The following RPH3AL variants were observed in gnomAD, a reference collection of about 807,000 sequenced individuals.
RPH3AL encodes the protein rabphilin 3A like (without C2 domains).
A neutral mutation model predicts 43.1 loss-of-function variants in RPH3AL; 38 were observed. That is an observed-to-expected ratio of 0.88 (90% CI 0.68 to 1.15). The LOEUF (loss-of-function observed/expected upper bound fraction) is 1.15, where lower values mean the gene tolerates loss of function less well. RPH3AL is among the 50% of genes most tolerant of loss of function. The probability of loss-of-function intolerance (pLI) is 0.00; values close to 1 mark genes in which losing one functional copy is unlikely to be tolerated. For missense variants in RPH3AL, 462 were observed against 423.2 expected, an observed-to-expected ratio of 1.09 and a Z score of -0.81; for synonymous variants, 189 against 176.3, an observed-to-expected ratio of 1.07 and a Z score of -0.57.
At chr17:285,969 G>A (rs556075060) in intron 5 of RPH3AL, among the ~76,000 whole-genome samples, 4 of 152,334 alleles carry the variant, frequency 2.6e-5, no homozygotes, top group East Asian at 3.9e-4. Flanking sequence ...GACAGGACAC[G>A]GATGAACAGG....
rs112877002 is a variant in RPH3AL, at chr17:280,917, C to T, written c.438+851G>A. 1.1e-3 allele frequency among the ~76,000 whole-genome samples: 167 copies of T among 152,244 alleles called. 3 individuals are homozygous for T. Among genetic ancestry groups the T allele is most frequent in the African/African-American group, 3.8e-3 (157 of 41,546 alleles). On this transcript the variant is annotated intron_variant, in intron 6 of 9. Coordinates refer to ENST00000331302, the MANE Select transcript of RPH3AL (RefSeq NM_006987.4). The stretch of plus-strand genomic sequence containing the variant: ...GAATTGAAGGTGTTTTGTGGATCCT[C>T]GGATGTGACAAGCAAGATTTAAAAA...
chr17:330,894 T>A (rs1235762110), intron 2 of RPH3AL: 2 of 149,478 alleles, frequency 1.3e-5, no homozygotes, highest in Non-Finnish European at 3.0e-5. Context: ...AAAAAAGATC[T>A]GTGAAATTTT....
At chr17:327,672 C>T (rs2044650774) in intron 2 of RPH3AL, 93 bp from the exon 3 acceptor site, 1 of 714,620 alleles carries the variant, frequency 1.4e-6, no homozygotes, top group Admixed American at 2.1e-5. Flanking sequence ...CCCTCCACAC[C>T]ATCTCCATGC....
chr17:314,934 T>C (rs371684776), intron 5 of RPH3AL, among the ~76,000 whole-genome samples: 58 of 29,608 alleles, frequency 2.0e-3, no homozygotes, highest in African/African-American at 3.1e-3. Flanking sequence ...CCCACCTCCA[T>C]TGACCTGTAG....
At position 245,174 on chromosome 17, in the gene RPH3AL, T is replaced by C. The variant is rs1567580209; in HGVS notation, c.613+1937A>G. On this transcript the variant is annotated intron_variant, in intron 7 of 9. Transcript: ENST00000331302. The surrounding 1 kb of genome is among the most constrained non-coding windows in gnomAD (Gnocchi z 5.9). ...GTGTGTGCACATGGATGTGTCTGTG[T>C]GTACGTGGATGTCTGTGTGTGTGGA... 6.6e-6 allele frequency among the ~76,000 whole-genome samples: 1 copy of C among 151,192 alleles called. No homozygotes were observed. The highest frequency in any genetic ancestry group is 1.5e-5 in the Non-Finnish European group (1 of 67,894).
chr17:301,269 C>T (rs1206601764), intron 5 of RPH3AL, among the ~76,000 whole-genome samples: 1 of 152,250 alleles, frequency 6.6e-6, no homozygotes, highest in Non-Finnish European at 1.5e-5. Context: ...ATCTTTAGAT[C>T]TCTTTACATC....
At chr17:320,297 C>A (rs955822106) in intron 4 of RPH3AL, among the ~76,000 whole-genome samples, 7 of 151,834 alleles carry the variant, frequency 4.6e-5, no homozygotes, top group Non-Finnish European at 1.0e-4. Context: ...AACACGTGGA[C>A]TCACAGCTGA....
chr17:299,535 G>A (rs1033730338), intron 5 of RPH3AL, among the ~76,000 whole-genome samples: 8 of 152,156 alleles, frequency 5.3e-5, no homozygotes, highest in Admixed American at 1.3e-4. Context: ...GCTGCCCCCC[G>A]TGTCCTCCCA....
rs2042134049 is a variant in RPH3AL, at chr17:258,862, G to C, written c.439-11577C>G. 2.0e-5 allele frequency among the ~76,000 whole-genome samples: 3 copies of C among 149,600 alleles called. No homozygotes were observed. The Admixed American group carries it at 2.0e-4, about 10-fold the overall frequency. On this transcript the variant is annotated intron_variant, in intron 6 of 9. Coordinates refer to ENST00000331302, the MANE Select transcript of RPH3AL (RefSeq NM_006987.4). ...TGCAGCCTTGACACCCTGGGCTCAA[G>C]TGATCCTCCCACCTCAACCTCCCGA...
chr17:332,872 G>A (rs1241474317), intron 2 of RPH3AL: 1 of 569,222 alleles, frequency 1.8e-6, no homozygotes, highest in Non-Finnish European at 2.7e-6. Flanking sequence ...GGCCGGCCCA[G>A]CAGGCAGATG....
At chr17:254,446 C>T (rs375101480) in intron 6 of RPH3AL, among the ~76,000 whole-genome samples, 2 of 12,690 alleles carry the variant, frequency 1.6e-4, no homozygotes, top group Middle Eastern at 0.071. Flanking sequence ...TGAGGGGAGC[C>T]GCACGGCGTC....
rs1352418257 is a variant in RPH3AL at position 215,748 on chromosome 17, G to A, written c.782C>T (p.Ser261Phe). ...ACTGGCCAGGCTGCTCTGGCACCCA[G>A]AGAGGTGGCCCGGCGGGTGGGTGAA... Reference protein sequence around the residue: ...MGFTHPPGHLSGCQSSLASGE... With the variant: ...MGFTHPPGHLFGCQSSLASGE... The change falls in exon 9 of 10, where the codon TCT becomes TTT. Residue 261 changes from serine to phenylalanine, a missense_variant. By Grantham distance (155) the Ser-to-Phe change is radical (BLOSUM62 -2). Transcript: ENST00000331302. The surrounding 1 kb of genome is among the most constrained non-coding windows in gnomAD (Gnocchi z 4.1). The A allele has an allele frequency of 7.6e-7, 1 of 1,308,842 alleles. No individual in the cohort carries two copies. The highest frequency in any genetic ancestry group is 3.1e-5 in the East Asian group (1 of 31,978). 81.1% of individuals were successfully genotyped at this position (1,308,842 alleles called of 1,614,324 possible). A position where few individuals can be genotyped will look rare whatever the true frequency, so the allele number is the denominator to read the frequency against.
At chr17:279,733 C>T (rs538008290) in intron 6 of RPH3AL, among the ~76,000 whole-genome samples, 9 of 152,264 alleles carry the variant, frequency 5.9e-5, no homozygotes, top group South Asian at 2.1e-4. Flanking sequence ...TCCCCACAGA[C>T]GATGTTTTAA....
At position 245,007 on chromosome 17, in the gene RPH3AL, AGTGT is replaced by A. The variant is rs1021133774; in HGVS notation, c.613+2100_613+2103del. Among the ~76,000 whole-genome samples the A allele has an allele frequency of 1.1e-4, 16 of 151,610 alleles. No homozygotes were observed. Among genetic ancestry groups the A allele is most frequent in the African/African-American group, 2.9e-4 (12 of 41,206 alleles). ...GCAAGTGTGTATGCATGTGGATATGAGTGTGTGTATGTGGATGTGTGTGTGGATG... is the reference window on the plus strand; with the variant it reads ...GCAAGTGTGTATGCATGTGGATATGAGTGTATGTGGATGTGTGTGTGGATG... On this transcript the variant is annotated intron_variant, in intron 7 of 9. Coordinates refer to ENST00000331302, the MANE Select transcript of RPH3AL (RefSeq NM_006987.4). This position sits in a 1 kb window ranked among gnomAD's most constrained non-coding sequence, Gnocchi z 5.9.
chr17:321,933 G>C (rs191415188), intron 3 of RPH3AL, among the ~76,000 whole-genome samples: 1 of 152,362 alleles, frequency 6.6e-6, no homozygotes, highest in Admixed American at 6.5e-5. Flanking sequence ...AGGAGCATGA[G>C]AGATTATCAA....
rs1228576796 is a variant in RPH3AL at position 245,933 on chromosome 17, A to G, written c.613+1178T>C. Among the ~76,000 whole-genome samples the G allele has an allele frequency of 7.2e-5, 11 of 152,172 alleles. No individual in the cohort carries two copies. The highest frequency in any genetic ancestry group is 6.5e-4 in the Admixed American group (10 of 15,284). ...ACTCATAGGCAGCAGAGGTGTACGC[A>G]GCATCCGGTAGGACCAGCGAGGAGA... On this transcript the variant is annotated intron_variant, in intron 7 of 9. Transcript: ENST00000331302. This position sits in a 1 kb window ranked among gnomAD's most constrained non-coding sequence, Gnocchi z 5.9.
Position 233,591 on chromosome 17 carries a change from T to A in RPH3AL, c.613+13520A>T, listed in dbSNP as rs572978664. 1.1e-3 allele frequency among the ~76,000 whole-genome samples: 166 copies of A among 152,208 alleles called. 1 individual carries two copies. Among genetic ancestry groups the A allele is most frequent in the Middle Eastern group, 0.01 (3 of 294 alleles). On this transcript the variant is annotated intron_variant, in intron 7 of 9. Coordinates refer to ENST00000331302, the MANE Select transcript of RPH3AL (RefSeq NM_006987.4). ...ATGCCCCTGCCTCCCACTGGCCAGGTGCAAAGGTCAGGGAGTGAAGTGAGC... is the reference window on the plus strand; with the variant it reads ...ATGCCCCTGCCTCCCACTGGCCAGGAGCAAAGGTCAGGGAGTGAAGTGAGC...
Position 346,881 on chromosome 17 carries a change from C to T in RPH3AL, c.-213+5831G>A, listed in dbSNP as rs572020029. Among the ~76,000 whole-genome samples the T allele has an allele frequency of 6.6e-5, 9 of 135,686 alleles. 1 individual carries two copies. Among genetic ancestry groups the T allele is most frequent in the African/African-American group, 2.3e-4 (9 of 39,640 alleles). The allele number at this position is 135,686 out of a possible 152,430, so 89.0% of individuals were successfully genotyped here. A position where few individuals can be genotyped will look rare whatever the true frequency, so the allele number is the denominator to read the frequency against. On this transcript the variant is annotated intron_variant, in intron 1 of 9. Coordinates refer to ENST00000331302, the MANE Select transcript of RPH3AL (RefSeq NM_006987.4). ...AAAACAACAAGATACTACTACACAC[C>T]TGTTAGAACAGCCCAGATCCAAAAC...
chr17:321,435 G>A lies in RPH3AL; in HGVS notation c.78-20C>T. On this transcript the variant is annotated intron_variant, in intron 3 of 9. Coordinates refer to ENST00000331302, the MANE Select transcript of RPH3AL (RefSeq NM_006987.4). ...TGCAGCCTCGAGAGGGAACAGCACA[G>A]ACGGCGTGGAGGCCTCCCCGGTGCA... The A allele has an allele frequency of 6.4e-7, 1 of 1,570,342 alleles. No individual in the cohort carries two copies. Among genetic ancestry groups the A allele is most frequent in the Non-Finnish European group, 8.6e-7 (1 of 1,158,026 alleles).
Sources: gnomAD v4.1 joint callset for allele counts (sites outside exome capture counted in the v4.1 genomes callset) on GRCh38, gnomAD v4.1.1 for gene constraint, Gnocchi (gnomAD v3.1) non-coding constraint, MANE v1.5 for transcripts, NCBI Gene and HGNC (gene_info 2026-07-23, HGNC 2026-07-21) for gene names.